The following EXOC4 variants were observed in gnomAD, a reference collection of about 807,000 sequenced individuals.
The protein encoded by EXOC4 is SEC8-like 1.
In EXOC4, 71 loss-of-function variants were observed where a neutral mutation model predicts 107.2. That is an observed-to-expected ratio of 0.66 (90% CI 0.55 to 0.81). The LOEUF (loss-of-function observed/expected upper bound fraction) is 0.81, where lower values mean the gene tolerates loss of function less well. Ranked by LOEUF, EXOC4 falls within the 30% of genes least tolerant of loss-of-function variation. The pLI, the probability that EXOC4 is intolerant of heterozygous loss-of-function variation, is 0.00. For missense variants in EXOC4, 1,108 were observed against 1,189.6 expected (o/e 0.93, Z 1.01); for synonymous variants, 456 against 441.2 (o/e 1.03, Z -0.42).
chr7:134,087,608 A>C, the EXOC4 span, among the ~76,000 whole-genome samples: 2 of 152,216 alleles, frequency 1.3e-5, no homozygotes, highest in African/African-American at 4.8e-5. Flanking sequence ...AGATGATTTC[A>C]ATATGTGCCC....
At chr7:133,539,888 G>A (rs1800346184) in intron 9 of EXOC4, among the ~76,000 whole-genome samples, 1 of 151,970 alleles carries the variant, frequency 6.6e-6, no homozygotes, top group African/African-American at 2.4e-5. Context: ...ATGTCTATAT[G>A]CTCTCCCAGA....
chr7:133,479,331 G>A (rs888155067), intron 8 of EXOC4: 2 of 152,070 alleles, frequency 1.3e-5, no homozygotes, highest in African/African-American at 4.8e-5. Flanking sequence ...TTAGAAACCT[G>A]TTCTTTATCA....
At chr7:133,621,571 T>C (rs754133532) in intron 9 of EXOC4, among the ~76,000 whole-genome samples, 4 of 152,192 alleles carry the variant, frequency 2.6e-5, no homozygotes, top group African/African-American at 4.8e-5. Context: ...TCAAAACATA[T>C]GAGAGATGTC....
At chr7:133,765,817 T>C (rs551040447) in intron 10 of EXOC4, among the ~76,000 whole-genome samples, 1 of 152,102 alleles carries the variant, frequency 6.6e-6, no homozygotes, top group South Asian at 2.1e-4. Context: ...GTCTCTTTGG[T>C]AATTTATTTC....
chr7:133,602,636 A>G (rs531421537), intron 9 of EXOC4, among the ~76,000 whole-genome samples: 3 of 152,256 alleles, frequency 2.0e-5, no homozygotes, highest in South Asian at 4.1e-4. Flanking sequence ...TGAATTTCAG[A>G]CTAAACAAAG....
chr7:133,305,755 T>C lies in EXOC4; in HGVS notation c.472-122T>C, dbSNP rs1794737619. 5 of 764,694 alleles carry C rather than the reference T, an allele frequency of 6.5e-6. 1 individual carries two copies. In the South Asian group the frequency reaches 1.1e-4, roughly 17 times the overall value. The allele number at this position is 764,694 out of a possible 1,614,324, so 47.4% of individuals were successfully genotyped here. On this transcript the variant is annotated intron_variant, in intron 3 of 17. Transcript: ENST00000253861. Reference sequence around the variant, plus strand: ...ACATTATACTCTACGAAGTCTTTTATATGCTGATAAAGTTCTCGTAAGCTC... The same window carrying C: ...ACATTATACTCTACGAAGTCTTTTACATGCTGATAAAGTTCTCGTAAGCTC...
At chr7:133,807,888 T>TA (rs1300218491) in intron 10 of EXOC4, among the ~76,000 whole-genome samples, 1 of 152,216 alleles carries the variant, frequency 6.6e-6, no homozygotes, top group African/African-American at 2.4e-5. Flanking sequence ...AGGGAACACT[T>TA]AACTGTAGTC....
chr7:133,777,674 A>G (rs887524777), intron 10 of EXOC4, among the ~76,000 whole-genome samples: 4 of 152,188 alleles, frequency 2.6e-5, no homozygotes, highest in African/African-American at 7.2e-5. Flanking sequence ...TCTGGGTTCA[A>G]ATTCTGACCC....
chr7:133,403,268 C>G (rs112744408), intron 7 of EXOC4, among the ~76,000 whole-genome samples: 4 of 152,192 alleles, frequency 2.6e-5, no homozygotes, highest in African/African-American at 9.6e-5. Context: ...CACAAGCATG[C>G]CTGCTATCCA....
chr7:133,797,052 G>T (rs971454517), intron 10 of EXOC4, among the ~76,000 whole-genome samples: 4 of 152,190 alleles, frequency 2.6e-5, no homozygotes, highest in Non-Finnish European at 5.9e-5. Flanking sequence ...GATGTCTGTT[G>T]TTCTGGGAAT....
At chr7:133,724,392 C>T (rs544745913) in intron 10 of EXOC4, among the ~76,000 whole-genome samples, 13 of 152,286 alleles carry the variant, frequency 8.5e-5, no homozygotes, top group East Asian at 3.9e-4. Flanking sequence ...TTAATTCTTC[C>T]GGAAACTCGT....
At chr7:133,555,093 C>A (rs1262572167) in intron 9 of EXOC4, among the ~76,000 whole-genome samples, 1 of 152,128 alleles carries the variant, frequency 6.6e-6, no homozygotes, top group African/African-American at 2.4e-5. Flanking sequence ...TAATAGTGAA[C>A]AAATATTGAG....
At chr7:133,679,457 A>AAGTCCACTACAG (rs1246255222) in intron 10 of EXOC4, among the ~76,000 whole-genome samples, 2 of 152,060 alleles carry the variant, frequency 1.3e-5, no homozygotes, top group Non-Finnish European at 2.9e-5. Context: ...CTCATGGTGG[A>AAGTCCACTACAG]AGTCCACTAC....
chr7:133,985,552 C>T (rs1179707012), intron 14 of EXOC4, among the ~76,000 whole-genome samples: 1 of 152,180 alleles, frequency 6.6e-6, no homozygotes, highest in Non-Finnish European at 1.5e-5. Context: ...CTACCAGAAG[C>T]TCCTCTAGGG....
chr7:133,470,506 G>A (rs1468740962), intron 7 of EXOC4, among the ~76,000 whole-genome samples: 4 of 152,074 alleles, frequency 2.6e-5, no homozygotes, highest in Non-Finnish European at 4.4e-5. Context: ...GCCATTCAAC[G>A]TAATAGGTCC....
chr7:133,467,761 T>C (rs1798767778), intron 7 of EXOC4, among the ~76,000 whole-genome samples: 1 of 151,858 alleles, frequency 6.6e-6, no homozygotes, highest in Non-Finnish European at 1.5e-5. Context: ...TTTTTTTTTG[T>C]TTGTTTGTTT....
At chr7:133,368,433 T>C (rs910876493) in intron 6 of EXOC4, among the ~76,000 whole-genome samples, 7 of 152,222 alleles carry the variant, frequency 4.6e-5, no homozygotes, top group African/African-American at 1.7e-4. Flanking sequence ...CAGCTGGGCC[T>C]TAGGAACATC....
intron 9 of EXOC4, among the ~76,000 whole-genome samples, chr7:133,607,861 A>T (rs1801984705): frequency 1.3e-5 from 2 of 152,198 alleles, no homozygotes; most frequent in African/African-American, 2.4e-5. Context: ...ATAAAAACAG[A>T]TTTCAGAAAA....
rs146986288 is a variant in EXOC4, at chr7:133,374,521, C to T, written c.1008-307C>T. On this transcript the variant is annotated intron_variant, in intron 6 of 17. Coordinates refer to ENST00000253861, the MANE Select transcript of EXOC4 (RefSeq NM_021807.4). Reference sequence around the variant, plus strand: ...AATACATAGTAGTAGTATTGTAATCCGTGAACTATGTTAAAACGGCAACAT... The same window carrying T: ...AATACATAGTAGTAGTATTGTAATCTGTGAACTATGTTAAAACGGCAACAT... Among the ~76,000 whole-genome samples the T allele has an allele frequency of 3.0e-3, 461 of 152,184 alleles. 4 individuals are homozygous for T. The highest frequency in any genetic ancestry group is 0.01 in the African/African-American group (422 of 41,508).
Sources: gnomAD v4.1 joint callset for allele counts (sites outside exome capture counted in the v4.1 genomes callset) on GRCh38, gnomAD v4.1.1 for gene constraint, MANE v1.5 for transcripts, NCBI Gene and HGNC (gene_info 2026-07-23, HGNC 2026-07-21) for gene names.